The following VWA8 variants were observed in gnomAD, a reference collection of about 807,000 sequenced individuals.
VWA8 encodes von Willebrand factor A domain containing 8, also known as von Willebrand factor A domain-containing protein 8.
VWA8 carries 221 observed loss-of-function variants against 241.5 expected under a neutral mutation model. That is an observed-to-expected ratio of 0.91 (90% CI 0.82 to 1.02). The LOEUF is 1.02. Ranked by LOEUF, VWA8 falls within the 50% of genes least tolerant of loss-of-function variation. The pLI, the probability that VWA8 is intolerant of heterozygous loss-of-function variation, is 0.00. For synonymous variants in VWA8, 852 were observed against 827.1 expected (o/e 1.03, Z -0.52); for missense variants, 2,322 against 2,328.7 (o/e 1.00, Z 0.06).
Position 41,701,436 on chromosome 13 carries a change from G to T in VWA8, c.3320C>A (p.Pro1107Gln). Residue 1107 changes from proline to glutamine, a missense_variant, in exon 28 of 45, where the codon CCA becomes CAA. Pro to Gln is a moderately conservative substitution (Grantham distance 76). Coordinates refer to ENST00000379310, the MANE Select transcript of VWA8 (RefSeq NM_015058.2). Reference protein sequence around the residue: ...FTEECASWRIPLDEINIICDI... With the variant: ...FTEECASWRIQLDEINIICDI... Reference sequence around the variant, plus strand: ...ACAGATTATATTAATTTCATCCAATGGTATTCTCCATGAGGCACATTCTTC... The same window carrying T: ...ACAGATTATATTAATTTCATCCAATTGTATTCTCCATGAGGCACATTCTTC... 6.2e-7 allele frequency: 1 copy of T among 1,610,554 alleles called. No individual in the cohort carries two copies. Among genetic ancestry groups the T allele is most frequent in the Non-Finnish European group, 8.5e-7 (1 of 1,178,658 alleles).
intron 35 of VWA8, among the ~76,000 whole-genome samples, chr13:41,684,079 CT>C (rs2045118595): frequency 6.6e-6 from 1 of 152,010 alleles, no homozygotes; most frequent in Non-Finnish European, 1.5e-5. Context: ...TATATATCAC[CT>C]TGTGAATATT....
rs1398284193 is a variant in VWA8, at chr13:41,732,182, G to A, written c.2427-27C>T. ...TAAAGTAAAACCAACACATTTTATA[G>A]TTAGGAAGGAAATAAGCTGATGATT... On this transcript the variant is annotated intron_variant, in intron 21 of 44. Transcript: ENST00000379310. 4 of 1,591,388 alleles carry A rather than the reference G, an allele frequency of 2.5e-6. No homozygotes were observed. In the East Asian group the frequency reaches 9.0e-5, roughly 36 times the overall value.
chr13:41,671,613 C>G (rs143773334), intron 36 of VWA8, among the ~76,000 whole-genome samples: 140 of 151,764 alleles, frequency 9.2e-4, no homozygotes, highest in African/African-American at 3.2e-3. Flanking sequence ...GAGGTGGGTA[C>G]TTTTGGAGGT....
chr13:41,728,787 T>C (rs1479173432), intron 23 of VWA8, among the ~76,000 whole-genome samples: 5 of 152,100 alleles, frequency 3.3e-5, no homozygotes, highest in Non-Finnish European at 7.4e-5. Context: ...GTGATGCACT[T>C]GTACCTTTTT....
chr13:41,582,177 A>G (rs1429837424), intron 42 of VWA8, among the ~76,000 whole-genome samples: 2 of 152,204 alleles, frequency 1.3e-5, no homozygotes, highest in African/African-American at 4.8e-5. Flanking sequence ...CAAATGGCTT[A>G]GAGATGTGTC....
intron 38 of VWA8, among the ~76,000 whole-genome samples, chr13:41,614,713 C>A (rs1049270615): frequency 2.0e-5 from 3 of 152,170 alleles, no homozygotes; most frequent in Non-Finnish European, 4.4e-5. Context: ...CACACTATCC[C>A]CCTTTGACTG....
chr13:41,605,443 G>A lies in VWA8; in HGVS notation c.4878-167C>T, dbSNP rs565581700. On this transcript the variant is annotated intron_variant, in intron 39 of 44. Transcript: ENST00000379310. ...CTCCAGCTGTGCTTCCAGATTCAAA[G>A]GAGGTAACATCCAGTAGTGTGCTAG... Among the ~76,000 whole-genome samples, 8 of 152,252 alleles carry A rather than the reference G, an allele frequency of 5.3e-5. No individual in the cohort carries two copies. In the East Asian group the frequency reaches 1.4e-3, roughly 26 times the overall value.
intron 29 of VWA8, among the ~76,000 whole-genome samples, chr13:41,695,072 A>G (rs2045207586): frequency 6.6e-6 from 1 of 152,190 alleles, no homozygotes; most frequent in Admixed American, 6.6e-5. Flanking sequence ...ATTTTGCGTC[A>G]CACATGAGTA....
intron 21 of VWA8, among the ~76,000 whole-genome samples, chr13:41,759,527 C>T (rs1458258960): frequency 6.6e-6 from 1 of 151,298 alleles, no homozygotes; most frequent in East Asian, 1.9e-4. Context: ...ATTTTTTTCT[C>T]CTCTCTTTTG....
At chr13:41,569,038 T>TAAGA (rs1221220315) in intron 44 of VWA8, among the ~76,000 whole-genome samples, 1 of 152,262 alleles carries the variant, frequency 6.6e-6, no homozygotes, top group Non-Finnish European at 1.5e-5. Flanking sequence ...AACAAAACTG[T>TAAGA]AAGACACAGT....
chr13:41,573,750 T>C (rs1423662136), intron 43 of VWA8, among the ~76,000 whole-genome samples: 1 of 151,546 alleles, frequency 6.6e-6, no homozygotes, highest in Non-Finnish European at 1.5e-5. Context: ...CCCGGGTGGC[T>C]GGGATTGCGG....
intron 4 of VWA8, among the ~76,000 whole-genome samples, chr13:41,892,159 AC>A (rs1465877383): frequency 1.3e-5 from 2 of 152,236 alleles, no homozygotes; most frequent in Non-Finnish European, 2.9e-5. Context: ...CTTAACCAGT[AC>A]TACAAGTCTT....
In VWA8 at chr13:41,766,606, T is replaced by C. The variant is rs1407457237; in HGVS notation, c.2350-5402A>G. Among the ~76,000 whole-genome samples the C allele has an allele frequency of 2.6e-5, 4 of 152,226 alleles. 1 individual carries two copies. Among genetic ancestry groups the C allele is most frequent in the Non-Finnish European group, 5.9e-5 (4 of 68,046 alleles). ...CTTATGTGGTTTCTTTTGACTACAATAGCTCATCCTTGCCCATCTGTCTGT... is the reference window on the plus strand; with the variant it reads ...CTTATGTGGTTTCTTTTGACTACAACAGCTCATCCTTGCCCATCTGTCTGT... On this transcript the variant is annotated intron_variant, in intron 20 of 44. Transcript: ENST00000379310.
chr13:41,842,538 T>C lies in VWA8; in HGVS notation c.1426-9007A>G, dbSNP rs77795239. On this transcript the variant is annotated intron_variant, in intron 12 of 44. Transcript: ENST00000379310. ...AGCACTGGAATCTATTTCAAGATGA[T>C]CTGCTTTAGTTAAAGATTTATACTA... 6.2e-3 allele frequency among the ~76,000 whole-genome samples: 939 copies of C among 152,336 alleles called. 7 individuals carry two copies. The highest frequency in any genetic ancestry group is 0.022 in the African/African-American group (895 of 41,564).
At chr13:41,930,128 C>T (rs1008492957) in intron 2 of VWA8, among the ~76,000 whole-genome samples, 5 of 152,058 alleles carry the variant, frequency 3.3e-5, no homozygotes, top group Admixed American at 6.6e-5. Context: ...AAAAGGTGCT[C>T]AACATCATTA....
intron 9 of VWA8, among the ~76,000 whole-genome samples, chr13:41,875,633 T>C (rs1873861846): frequency 6.6e-6 from 1 of 152,098 alleles, no homozygotes; most frequent in Non-Finnish European, 1.5e-5. Flanking sequence ...CCAAATTAAA[T>C]AAATTAGTTT....
chr13:41,568,339 T>C (rs1384447669), intron 44 of VWA8, 34 bp from the exon 45 acceptor site: 4 of 1,576,740 alleles, frequency 2.5e-6, no homozygotes, highest in Non-Finnish European at 2.6e-6. Flanking sequence ...AAGTTACCAC[T>C]GTAAATGGGG....
chr13:41,808,477 C>T (rs1376669792), intron 17 of VWA8, among the ~76,000 whole-genome samples: 1 of 151,948 alleles, frequency 6.6e-6, no homozygotes, highest in African/African-American at 2.4e-5. Flanking sequence ...AGGGAGGTAC[C>T]ACAAACTTTT....
At chr13:41,959,126 C>T (rs2138176500) in intron 1 of VWA8, among the ~76,000 whole-genome samples, 1 of 152,266 alleles carries the variant, frequency 6.6e-6, no homozygotes, top group South Asian at 2.1e-4. Flanking sequence ...TCTCAAATAG[C>T]TAAAACTGTA....
Sources: gnomAD v4.1 joint callset for allele counts (sites outside exome capture counted in the v4.1 genomes callset) on GRCh38, gnomAD v4.1.1 for gene constraint, MANE v1.5 for transcripts, NCBI Gene and HGNC (gene_info 2026-07-23, HGNC 2026-07-21) for gene names.